Variants in DSCAM observed in about 807,000 individuals in gnomAD.
DSCAM encodes the protein DS cell adhesion molecule.
Under a neutral mutation model 217.7 loss-of-function variants are expected in DSCAM, and 47 were observed. That is an observed-to-expected ratio of 0.22 (90% confidence interval 0.17 to 0.28). The LOEUF (loss-of-function observed/expected upper bound fraction) is 0.28, where lower values mean the gene tolerates loss of function less well. DSCAM is among the 10% of genes least tolerant of loss of function. The pLI is 1.00. For missense variants in DSCAM, 2,080 were observed against 2,618.3 expected (o/e 0.79, Z 4.49); for synonymous variants, 1,056 against 1,015.3 (o/e 1.04, Z -0.76).
intron 3 of DSCAM, among the ~76,000 whole-genome samples, chr21:40,510,366 A>G (rs1197850211): frequency 6.6e-6 from 1 of 152,230 alleles, no homozygotes; most frequent in Non-Finnish European, 1.5e-5. Context: ...CATTGTAATA[A>G]GTCCACCTTT....
At chr21:40,305,963 T>C (rs984783955) in intron 9 of DSCAM, among the ~76,000 whole-genome samples, 1 of 152,126 alleles carries the variant, frequency 6.6e-6, no homozygotes. Context: ...AAGTAGTTTT[T>C]TCCAATTCTG....
Position 40,312,042 on chromosome 21 carries a change from A to G in DSCAM, c.2062+39T>C, listed in dbSNP as rs16999660. On this transcript the variant is annotated intron_variant, in intron 9 of 32. Transcript: ENST00000400454. ...ATCATCTTAAACCATTGTTAAATCA[A>G]CTCTACAGATGCCACATGGCTCATG... The G allele has an allele frequency of 3.6e-3, 5,777 of 1,597,686 alleles. 174 individuals carry two copies. In the African/African-American group the frequency reaches 0.066, roughly 18 times the overall value.
intron 27 of DSCAM, among the ~76,000 whole-genome samples, chr21:40,066,177 C>CT (rs1024903374): frequency 2.0e-5 from 3 of 152,232 alleles, no homozygotes; most frequent in African/African-American, 7.2e-5. Flanking sequence ...CTGTGCCCAC[C>CT]TGTTTTCGGG....
At chr21:40,095,576 G>A (rs531596517) in intron 20 of DSCAM, among the ~76,000 whole-genome samples, 45 of 152,258 alleles carry the variant, frequency 3.0e-4, no homozygotes, top group Non-Finnish European at 4.4e-4. Flanking sequence ...GCTAATGGGC[G>A]TGCAGTTTCT....
chr21:40,625,604 G>A (rs543239322), intron 3 of DSCAM, among the ~76,000 whole-genome samples: 3 of 152,166 alleles, frequency 2.0e-5, no homozygotes, highest in African/African-American at 4.8e-5. Context: ...CACTCAAGGC[G>A]GATCCTGCTG....
chr21:40,088,365 G>A (rs551840079), intron 21 of DSCAM, among the ~76,000 whole-genome samples: 1 of 152,264 alleles, frequency 6.6e-6, no homozygotes, highest in South Asian at 2.1e-4. Flanking sequence ...GCTCCCCCAG[G>A]GAAGCTCTAG....
chr21:40,275,168 A>AAT (rs1447642846), intron 11 of DSCAM, among the ~76,000 whole-genome samples: 15 of 151,644 alleles, frequency 9.9e-5, no homozygotes, highest in Non-Finnish European at 4.4e-5. Context: ...TTTATAAAAA[A>AAT]TTAAAAAAAA....
intron 11 of DSCAM, 66 bp downstream of exon 11, chr21:40,276,031 A>C (rs1280677399): frequency 6.9e-7 from 1 of 1,440,322 alleles, no homozygotes; most frequent in African/African-American, 1.4e-5. Context: ...GAGACAATTG[A>C]AAAAGGAAGC....
At chr21:40,218,931 T>C (rs1299760471) in intron 11 of DSCAM, among the ~76,000 whole-genome samples, 1 of 152,048 alleles carries the variant, frequency 6.6e-6, no homozygotes, top group Non-Finnish European at 1.5e-5. Context: ...TGTCATCTGG[T>C]TTGACTTCCT....
intron 22 of DSCAM, 76 bp from the exon 23 acceptor site, chr21:40,085,841 A>G: frequency 7.7e-7 from 1 of 1,303,450 alleles, no homozygotes; most frequent in Non-Finnish European, 1.0e-6. Flanking sequence ...AAAAACAGAA[A>G]GACTCTGTGA....
intron 3 of DSCAM, among the ~76,000 whole-genome samples, chr21:40,458,685 T>C (rs951306890): frequency 1.3e-5 from 2 of 152,044 alleles, no homozygotes; most frequent in African/African-American, 4.8e-5. Flanking sequence ...AAAGCAAAAA[T>C]AATGAAGATT....
intron 20 of DSCAM, among the ~76,000 whole-genome samples, chr21:40,113,792 T>G (rs1192952549): frequency 2.0e-5 from 3 of 152,200 alleles, no homozygotes; most frequent in Non-Finnish European, 4.4e-5. Flanking sequence ...AGCCAAATCA[T>G]GACTGAACTC....
chr21:40,107,028 G>T (rs1336254422), intron 20 of DSCAM, among the ~76,000 whole-genome samples: 1 of 151,494 alleles, frequency 6.6e-6, no homozygotes, highest in East Asian at 1.9e-4. Context: ...GGATTTGTTT[G>T]TTCTTGATTC....
intron 1 of DSCAM, among the ~76,000 whole-genome samples, chr21:40,810,444 T>TAAACA (rs1453292835): frequency 1.2e-4 from 19 of 152,222 alleles, no homozygotes; most frequent in African/African-American, 4.6e-4. Context: ...CTGTTCCTGG[T>TAAACA]GGGTAGTCTG....
intron 3 of DSCAM, among the ~76,000 whole-genome samples, chr21:40,424,958 C>T (rs1294829074): frequency 1.3e-5 from 2 of 151,568 alleles, no homozygotes; most frequent in Non-Finnish European, 2.9e-5. Flanking sequence ...ATTAGCTGGG[C>T]ATGGGGATGG....
chr21:40,553,987 CATT>C (rs905750114), intron 3 of DSCAM, among the ~76,000 whole-genome samples: 2 of 152,014 alleles, frequency 1.3e-5, no homozygotes, highest in African/African-American at 4.8e-5. Context: ...GGGTGCTTGT[CATT>C]GTTGTCATTT....
At chr21:40,096,119 G>C (rs530346046) in intron 20 of DSCAM, among the ~76,000 whole-genome samples, 17 of 152,302 alleles carry the variant, frequency 1.1e-4, no homozygotes, top group African/African-American at 4.1e-4. Flanking sequence ...CACTGAGATA[G>C]ATGCATATCT....
At chr21:40,828,551 G>C (rs2091987845) in intron 1 of DSCAM, among the ~76,000 whole-genome samples, 2 of 152,162 alleles carry the variant, frequency 1.3e-5, no homozygotes, top group African/African-American at 4.8e-5. Flanking sequence ...ACCAGGCACA[G>C]TGCCTGCTTA....
intron 1 of DSCAM, among the ~76,000 whole-genome samples, chr21:40,821,382 GAC>G (rs903398005): frequency 1.3e-4 from 18 of 143,086 alleles, no homozygotes. Context: ...CACACACACA[GAC>G]ACACGCGCGC....
Sources: gnomAD v4.1 joint callset for allele counts (sites outside exome capture counted in the v4.1 genomes callset) on GRCh38, gnomAD v4.1.1 for gene constraint, MANE v1.5 for transcripts, NCBI Gene and HGNC (gene_info 2026-07-23, HGNC 2026-07-21) for gene names.